The following APAF1 variants were observed in gnomAD, a reference collection of about 807,000 sequenced individuals.
APAF1 encodes apoptotic protease-activating factor 1.
APAF1 carries 91 observed loss-of-function variants against 152.4 expected under a neutral mutation model. The observed-to-expected ratio is 0.60, with a 90% CI of 0.50 to 0.71. APAF1 has a LOEUF of 0.71. Ranked by LOEUF, APAF1 falls within the 30% of genes least tolerant of loss-of-function variation. The probability of loss-of-function intolerance (pLI) is 0.00; values close to 1 mark genes in which losing one functional copy is unlikely to be tolerated. For synonymous variants in APAF1, 484 were observed against 494.1 expected, an observed-to-expected ratio of 0.98 and a Z score of 0.27; for missense variants, 1,283 against 1,472.0, an observed-to-expected ratio of 0.87 and a Z score of 2.10.
rs779144426 is a variant in APAF1 at position 98,683,155 on chromosome 12, A to G, written c.2059A>G (p.Met687Val). 2.4e-5 allele frequency: 39 copies of G among 1,612,936 alleles called. No homozygotes were observed. In the East Asian group the frequency reaches 4.5e-4, roughly 18 times the overall value. ...VDKKVKIWNSMTGELVHTYDE... is the reference protein window; with the variant it reads ...VDKKVKIWNSVTGELVHTYDE... ...CTTTTCTCTTTAGATTTGGAATTCT[A>G]TGACTGGGGAACTAGTACACACCTA... The change falls in exon 15 of 27, where the codon ATG (methionine) becomes GTG (valine). Residue 687 changes from methionine (M) to valine (V), a missense_variant. Coordinates refer to ENST00000551964, the MANE Select transcript of APAF1 (RefSeq NM_181861.2).
intron 4 of APAF1, among the ~76,000 whole-genome samples, chr12:98,653,691 AATATATATATATATAT>A (rs1346621120): frequency 2.8e-3 from 42 of 15,104 alleles, no homozygotes; most frequent in Admixed American, 6.4e-3. Context: ...AAAAAAAAAA[AATATATATATATATAT>A]ATATATATAT....
intron 11 of APAF1, 149 bp downstream of exon 11, chr12:98,671,235 T>G (rs2097679750): frequency 3.0e-6 from 2 of 665,834 alleles, no homozygotes; most frequent in East Asian, 5.5e-5. Flanking sequence ...ATTAATTTGC[T>G]TCCTACCCTA....
chr12:98,710,257 T>C (rs2097726531), intron 20 of APAF1, among the ~76,000 whole-genome samples: 1 of 150,410 alleles, frequency 6.6e-6, no homozygotes, highest in Non-Finnish European at 1.5e-5. Context: ...TTTCATTAGC[T>C]CTTGAAGAGC....
intron 22 of APAF1, among the ~76,000 whole-genome samples, chr12:98,718,510 G>A (rs1375480981): frequency 1.3e-5 from 2 of 152,146 alleles, no homozygotes; most frequent in Non-Finnish European, 2.9e-5. Flanking sequence ...GGGATTACAG[G>A]TGTGAGCCAC....
At chr12:98,707,632 G>A (rs7299536) in intron 19 of APAF1, among the ~76,000 whole-genome samples, 58,765 of 150,510 alleles carry the variant, frequency 0.39, 12,306 homozygotes, top group African/African-American at 0.56. Context: ...ACAGCATTAT[G>A]TATGAATTAT....
chr12:98,653,671 AAAAAAAAAAAAAAAAAAAAAATATAT>A (rs1392490360), intron 4 of APAF1, among the ~76,000 whole-genome samples: 1 of 46,380 alleles, frequency 2.2e-5, no homozygotes, highest in African/African-American at 7.1e-5. Flanking sequence ...AAAAAAAAAA[AAAAAAAAAAAAAAAAAAAAAATATAT>A]ATATATATAT....
chr12:98,712,575 G>A, intron 21 of APAF1, 140 bp downstream of exon 21: 1 of 658,514 alleles, frequency 1.5e-6, no homozygotes, highest in Non-Finnish European at 2.7e-6. Context: ...TGAGTACAGT[G>A]ACACGATCAC....
In APAF1 at chr12:98,649,615, C is replaced by G. The variant is rs2097646418; in HGVS notation, c.457C>G (p.His153Asp). The G allele has an allele frequency of 6.2e-7, 1 of 1,614,158 alleles. No homozygotes were observed. The highest frequency in any genetic ancestry group is 8.5e-7 in the Non-Finnish European group (1 of 1,180,018). ...AGGTGAACCAGGATGGGTCACCATACATGGAATGGCAGGCTGTGGGAAGTC... is the reference window on the plus strand; with the variant it reads ...AGGTGAACCAGGATGGGTCACCATAGATGGAATGGCAGGCTGTGGGAAGTC... ...LKGEPGWVTIHGMAGCGKSVL... is the reference protein window; with the variant it reads ...LKGEPGWVTIDGMAGCGKSVL... The change falls in exon 4 of 27, where the codon CAT becomes GAT. Residue 153 changes from histidine to aspartate, a missense_variant. Coordinates refer to ENST00000551964, the MANE Select transcript of APAF1 (RefSeq NM_181861.2).
In APAF1 at chr12:98,649,519, C is replaced by T. The variant is rs1416640980; in HGVS notation, c.361C>T (p.Gln121Ter). Residue 121 changes from glutamine to a stop codon, truncating the protein, a stop_gained, in exon 4 of 27, where the codon CAG becomes TAG. Transcript: ENST00000551964. LOFTEE classifies it high-confidence loss of function. ...AGTCCTGTGTGAAGGTGGAGTACCA[C>T]AGAGGCCAGTTGTTTTTGTCACAAG... is the stretch of plus-strand genomic sequence containing the variant. ...RTVLCEGGVP[Q>*]RPVVFVTRKK... 1 of 1,614,186 alleles carries T rather than the reference C, an allele frequency of 6.2e-7. No homozygotes were observed. Among genetic ancestry groups the T allele is most frequent in the Non-Finnish European group, 8.5e-7 (1 of 1,180,036 alleles).
intron 16 of APAF1, among the ~76,000 whole-genome samples, chr12:98,688,668 G>A (rs28661533): frequency 0.014 from 2,050 of 146,368 alleles, 40 homozygotes; most frequent in African/African-American, 0.049. Context: ...TTTAGAGATA[G>A]GATCTTACTA....
At chr12:98,679,856 C>T (rs1473865853) in intron 13 of APAF1, among the ~76,000 whole-genome samples, 1 of 152,274 alleles carries the variant, frequency 6.6e-6, no homozygotes, top group Non-Finnish European at 1.5e-5. Context: ...GGACCCCACG[C>T]TCACTCACAC....
chr12:98,727,197 C>T lies in APAF1; in HGVS notation c.3481C>T (p.Leu1161Phe), dbSNP rs2097751802. 5 of 1,614,094 alleles carry T rather than the reference C, an allele frequency of 3.1e-6. No individual in the cohort carries two copies. The highest frequency in any genetic ancestry group is 4.2e-6 in the Non-Finnish European group (5 of 1,179,998). ...IRIWNVSNGELLHLCAPLSEE... is the reference protein window; with the variant it reads ...IRIWNVSNGEFLHLCAPLSEE... ...GATATGGAATGTCTCAAACGGTGAG[C>T]TTCTTCATTTGTGTGCTCCGCTTTC... The change falls in exon 26 of 27, where the codon CTT becomes TTT. Residue 1161 changes from leucine to phenylalanine, a missense_variant. Transcript: ENST00000551964.
intron 8 of APAF1, 37 bp downstream of exon 8, chr12:98,665,828 T>C: frequency 6.7e-7 from 1 of 1,494,380 alleles, no homozygotes. Context: ...TGGGTATTTA[T>C]TGCATGTAAG....
chr12:98,713,358 C>T (rs1252030672), intron 21 of APAF1, among the ~76,000 whole-genome samples: 1 of 152,092 alleles, frequency 6.6e-6, no homozygotes, highest in Non-Finnish European at 1.5e-5. Flanking sequence ...TTTTTCTCCT[C>T]TTCTTAGAAG....
At chr12:98,652,011 TG>T (rs2097649625) in intron 4 of APAF1, among the ~76,000 whole-genome samples, 1 of 152,176 alleles carries the variant, frequency 6.6e-6, no homozygotes, top group Admixed American at 6.5e-5. Context: ...GTTGGGGTTT[TG>T]TCATGTTACC....
Position 98,666,357 on chromosome 12 carries a change from GGT to G in APAF1, c.1362+1_1362+2del. ...CAGAGAAGAATTGCAGCCAGCTTCAGGTACTTGCATCTTGGTTTACTTTTTTT... is the reference window on the plus strand; with the variant it reads ...CAGAGAAGAATTGCAGCCAGCTTCAGACTTGCATCTTGGTTTACTTTTTTT... On this transcript the variant is annotated splice_donor_variant, in intron 9 of 26. Coordinates refer to ENST00000551964, the MANE Select transcript of APAF1 (RefSeq NM_181861.2). LOFTEE classifies it high-confidence loss of function. The G allele has an allele frequency of 6.2e-7, 1 of 1,610,780 alleles. No individual in the cohort carries two copies. The highest frequency in any genetic ancestry group is 8.5e-7 in the Non-Finnish European group (1 of 1,179,190).
At chr12:98,704,793 T>C (rs536178170) in intron 18 of APAF1, among the ~76,000 whole-genome samples, 1 of 152,246 alleles carries the variant, frequency 6.6e-6, no homozygotes, top group Non-Finnish European at 1.5e-5. Flanking sequence ...TGTTACTTTG[T>C]TTTTGAGACA....
intron 17 of APAF1, among the ~76,000 whole-genome samples, chr12:98,702,113 T>C (rs7980303): frequency 0.9 from 136,855 of 151,902 alleles, 61,731 homozygotes; most frequent in African/African-American, 0.94. Flanking sequence ...TCGCCCAGGC[T>C]GGAGTGCAGT....
intron 22 of APAF1, among the ~76,000 whole-genome samples, chr12:98,722,795 A>G (rs1175638765): frequency 6.6e-6 from 1 of 152,180 alleles, no homozygotes; most frequent in Non-Finnish European, 1.5e-5. Flanking sequence ...CAGTGGGGCC[A>G]GGATCTGTAG....
Sources: gnomAD v4.1 joint callset for allele counts (sites outside exome capture counted in the v4.1 genomes callset) on GRCh38, gnomAD v4.1.1 for gene constraint, MANE v1.5 for transcripts, NCBI Gene and HGNC (gene_info 2026-07-23, HGNC 2026-07-21) for gene names.